Variants in ARHGAP25 observed in about 807,000 individuals in gnomAD.
ARHGAP25 encodes the protein Rho GTPase activating protein 25, also known as rho GTPase-activating protein 25.
In ARHGAP25, 34 loss-of-function variants were observed where a neutral mutation model predicts 71.0. The ratio of observed to expected loss-of-function variants is 0.48; its 90% CI spans 0.36 to 0.64. The LOEUF (loss-of-function observed/expected upper bound fraction) is 0.64, where lower values mean the gene tolerates loss of function less well. Among genes scored for constraint, ARHGAP25 ranks in the 30% least tolerant of loss-of-function variants. The probability of loss-of-function intolerance (pLI) is 0.00; values close to 1 mark genes in which losing one functional copy is unlikely to be tolerated. For missense variants in ARHGAP25, 706 were observed against 805.1 expected, an observed-to-expected ratio of 0.88 and a Z score of 1.49; for synonymous variants, 282 against 296.5, an observed-to-expected ratio of 0.95 and a Z score of 0.50.
intron 4 of ARHGAP25, among the ~76,000 whole-genome samples, chr2:68,797,481 C>T (rs1027846840): frequency 5.9e-5 from 9 of 152,210 alleles, no homozygotes; most frequent in African/African-American, 1.4e-4. Flanking sequence ...TAGGAGATGC[C>T]ATTCAGCTTA....
In ARHGAP25 at chr2:68,736,682, T is replaced by C. The variant is rs552265553; in HGVS notation, c.61+1422T>C. 2.6e-5 allele frequency among the ~76,000 whole-genome samples: 4 copies of C among 152,264 alleles called. No homozygotes were observed. The East Asian group carries it at 7.7e-4, about 29-fold the overall frequency. On this transcript the variant is annotated intron_variant, in intron 1 of 10. Transcript: ENST00000409202. ...CATATACTCAGGTCTGGGATTTGAT[T>C]GAGTGAATTTCATGATTTTTACCAA...
chr2:68,749,216 T>A (rs4854508), intron 1 of ARHGAP25, among the ~76,000 whole-genome samples: 137,210 of 152,176 alleles, frequency 0.9, 62,000 homozygotes, highest in African/African-American at 0.92. Flanking sequence ...ACTGAATTTG[T>A]TATTTTGTTG....
At position 68,787,989 on chromosome 2, in the gene ARHGAP25, G is replaced by A. The variant is rs1187805650; in HGVS notation, c.466+33G>A. The A allele has an allele frequency of 1.9e-6, 3 of 1,548,702 alleles. No individual in the cohort carries two copies. In the Admixed American group the frequency reaches 5.0e-5, roughly 26 times the overall value. ...CCCCTGCAGGCTTTCCTGGGCAGGTGCCTATGACATCTCAGAAAGTAGGAA... is the reference window on the plus strand; with the variant it reads ...CCCCTGCAGGCTTTCCTGGGCAGGTACCTATGACATCTCAGAAAGTAGGAA... On this transcript the variant is annotated intron_variant, in intron 4 of 10. Coordinates refer to ENST00000409202, the MANE Select transcript of ARHGAP25 (RefSeq NM_001007231.3).
intron 9 of ARHGAP25, among the ~76,000 whole-genome samples, chr2:68,820,977 A>G (rs74659773): frequency 0.038 from 5,837 of 152,178 alleles, 365 homozygotes; most frequent in African/African-American, 0.13. Flanking sequence ...ATGTCAATAC[A>G]TAAACAGCTA....
chr2:68,753,083 G>A (rs1016680718), intron 1 of ARHGAP25, among the ~76,000 whole-genome samples: 1 of 151,848 alleles, frequency 6.6e-6, no homozygotes, highest in Non-Finnish European at 1.5e-5. Context: ...GTGGATGGGG[G>A]GGGTGATAAA....
chr2:68,788,086 A>T, intron 4 of ARHGAP25, 130 bp downstream of exon 4: 1 of 715,328 alleles, frequency 1.4e-6, no homozygotes, highest in Admixed American at 2.3e-5. Flanking sequence ...CTGCATGCCC[A>T]TGGCCAAGTG....
chr2:68,807,418 G>A lies in ARHGAP25; in HGVS notation c.612G>A (p.Gln204=), dbSNP rs1224068613. 10 of 1,614,128 alleles carry A rather than the reference G, an allele frequency of 6.2e-6. No homozygotes were observed. Among genetic ancestry groups the A allele is most frequent in the Non-Finnish European group, 8.5e-6 (10 of 1,180,058 alleles). The part of the protein sequence containing the change: ...NEEGIFRLPG[Q]DNLVKQLRDA... ...AGGGCATCTTCCGTCTGCCTGGGCA[G>A]GACAACCTGGTGAAGCAGCTGAGAG... Residue 204 remains glutamine (Q), a synonymous_variant, in exon 5 of 11, where the codon CAG becomes CAA. Transcript: ENST00000409202.
intron 2 of ARHGAP25, among the ~76,000 whole-genome samples, chr2:68,729,110 G>T (rs926131030): frequency 3.9e-5 from 6 of 152,218 alleles, no homozygotes; most frequent in Non-Finnish European, 5.9e-5. Flanking sequence ...TGGGGAAAAT[G>T]AGGAGGGTCT....
intron 1 of ARHGAP25, among the ~76,000 whole-genome samples, chr2:68,761,848 A>G (rs1382252556): frequency 6.6e-6 from 1 of 152,222 alleles, no homozygotes; most frequent in Non-Finnish European, 1.5e-5. Flanking sequence ...AATTAAAAAT[A>G]GAATTACTAT....
Position 68,782,261 on chromosome 2 carries a change from T to A in ARHGAP25, c.290T>A (p.Ile97Asn), listed in dbSNP as rs1678394082. 1 of 1,614,062 alleles carries A rather than the reference T, an allele frequency of 6.2e-7. No homozygotes were observed. The highest frequency in any genetic ancestry group is 1.1e-5 in the South Asian group (1 of 91,082). ...QGCMYLPGCT[I>N]KEIATNPEEA... ...TGCATGTATCTACCAGGATGTACAA[T>A]CAAGGAGATCGCCACAAACCCAGAA... Residue 97 changes from isoleucine to asparagine, a missense_variant, in exon 3 of 11, where the codon ATC (isoleucine) becomes AAC (asparagine). Transcript: ENST00000409202.
At chr2:68,769,312 A>G (rs1052980555) in intron 1 of ARHGAP25, among the ~76,000 whole-genome samples, 2 of 152,104 alleles carry the variant, frequency 1.3e-5, no homozygotes, top group Admixed American at 6.5e-5. Flanking sequence ...TTTAATTTCT[A>G]TGTTTTAAGA....
rs1008200690 is a variant in ARHGAP25 at position 68,826,416 on chromosome 2, T to A, written c.*222T>A. ...CTGACCATCCATCGCTGTATTCAAA[T>A]GGATTGTTTTATTCCATTCTGGTCT... On this transcript the variant is annotated 3_prime_UTR_variant, in exon 11 of 11. Transcript: ENST00000409202. 1.5e-6 allele frequency: 1 copy of A among 661,296 alleles called. No homozygotes were observed. The highest frequency in any genetic ancestry group is 2.7e-6 in the Non-Finnish European group (1 of 364,724). 41.0% of individuals were successfully genotyped at this position (661,296 alleles called of 1,614,324 possible).
intron 5 of ARHGAP25, among the ~76,000 whole-genome samples, chr2:68,808,668 T>C (rs1183352312): frequency 1.3e-5 from 2 of 152,230 alleles, no homozygotes; most frequent in Non-Finnish European, 2.9e-5. Flanking sequence ...CTGCACCTTG[T>C]TATCAGGCAC....
rs759210503 is a variant in ARHGAP25, at chr2:68,822,688, G to A, written c.1549G>A (p.Ala517Thr). ...CCTGCCAGGGTCCCCTGGGGAGGAA[G>A]CCAGTGCACTCTCTTCCCAAGCCTG... ...PSLPGSPGEE[A>T]SALSSQACDS... The change falls in exon 10 of 11, where the codon GCC (alanine) becomes ACC (threonine). Residue 517 changes from alanine (A) to threonine (T), a missense_variant. Ala to Thr is a moderately conservative substitution (Grantham distance 58, BLOSUM62 0). Transcript: ENST00000409202. The A allele has an allele frequency of 9.3e-6, 15 of 1,614,050 alleles. No individual in the cohort carries two copies. In the African/African-American group the frequency reaches 1.3e-4, roughly 14 times the overall value.
chr2:68,773,369 C>T (rs1677615158), intron 1 of ARHGAP25, among the ~76,000 whole-genome samples: 1 of 152,164 alleles, frequency 6.6e-6, no homozygotes, highest in Non-Finnish European at 1.5e-5. Flanking sequence ...ATGGATGGAG[C>T]TGGAGGCTAT....
Position 68,767,077 on chromosome 2 carries a change from C to T in ARHGAP25, c.62-8144C>T, listed in dbSNP as rs1033728146. ...CAACTTTTAGATATTTCTATGAATT[C>T]GGTTATACAAATTTGTCTCAAGGGT... On this transcript the variant is annotated intron_variant, in intron 1 of 10. Transcript: ENST00000409202. The surrounding 1 kb of genome is among the most constrained non-coding windows in gnomAD (Gnocchi z 4.6). Among the ~76,000 whole-genome samples the T allele has an allele frequency of 1.3e-5, 2 of 152,108 alleles. No homozygotes were observed. The highest frequency in any genetic ancestry group is 2.9e-5 in the Non-Finnish European group (2 of 68,036).
intron 2 of ARHGAP25, among the ~76,000 whole-genome samples, chr2:68,717,325 T>C (rs1449509371): frequency 6.6e-6 from 1 of 152,214 alleles, no homozygotes; most frequent in Non-Finnish European, 1.5e-5. Context: ...CATCAAACCT[T>C]AGGTTCATTG....
chr2:68,745,092 G>A (rs773835483), intron 1 of ARHGAP25, among the ~76,000 whole-genome samples: 1 of 152,186 alleles, frequency 6.6e-6, no homozygotes, highest in African/African-American at 2.4e-5. Context: ...ATGAGCCTGG[G>A]TTTGATTTCC....
chr2:68,765,445 T>A (rs1467597016), intron 1 of ARHGAP25, among the ~76,000 whole-genome samples: 1 of 152,098 alleles, frequency 6.6e-6, no homozygotes, highest in African/African-American at 2.4e-5. Flanking sequence ...ATATCAACAT[T>A]CCAAACACAA....
Sources: allele counts gnomAD v4.1 joint callset (sites outside exome capture counted in the v4.1 genomes callset), GRCh38; gene constraint gnomAD v4.1.1; non-coding constraint Gnocchi (gnomAD v3.1); transcripts MANE v1.5; gene names NCBI Gene and HGNC (gene_info 2026-07-23, HGNC 2026-07-21).